The following ADISSP variants were observed in gnomAD, a reference collection of about 807,000 sequenced individuals.
ADISSP encodes the protein adipose secreted signaling protein, also known as adipose-secreted signaling protein.
the ADISSP span, among the ~76,000 whole-genome samples, chr20:3,766,952 A>G: frequency 6.6e-6 from 1 of 152,032 alleles, no homozygotes; most frequent in African/African-American, 2.4e-5. Context: ...ACCTAAATCC[A>G]GTCCCTCCTC....
At chr20:3,766,998 C>T in the ADISSP span, among the ~76,000 whole-genome samples, 3 of 152,102 alleles carry the variant, frequency 2.0e-5, no homozygotes, top group African/African-American at 7.2e-5. Context: ...AGCCCAAGCC[C>T]CCGAGGCCCC....
chr20:3,767,121 A>T, the ADISSP span: 14,836 of 152,074 alleles, frequency 0.098, 1,003 homozygotes, highest in East Asian at 0.24. Flanking sequence ...ATGTAATCGG[A>T]CATCCCCCCC....
the ADISSP span, among the ~76,000 whole-genome samples, chr20:3,765,171 G>T: frequency 1.3e-5 from 2 of 152,196 alleles, no homozygotes; most frequent in African/African-American, 2.4e-5. Flanking sequence ...CCTGCTGGTC[G>T]CTGTCCTCGG....
the ADISSP span, chr20:3,754,252 C>A: frequency 6.8e-7 from 1 of 1,473,876 alleles, no homozygotes; most frequent in South Asian, 1.2e-5. Flanking sequence ...CAGGGATCAG[C>A]TGGAGGTAGG....
the ADISSP span, chr20:3,760,321 T>C: frequency 3.7e-6 from 2 of 541,312 alleles, no homozygotes; most frequent in Admixed American, 3.1e-5. Context: ...GCCTGTACTC[T>C]CTAGCACGGG....
chr20:3,765,663 A>G, the ADISSP span, among the ~76,000 whole-genome samples: 1 of 152,122 alleles, frequency 6.6e-6, no homozygotes, highest in African/African-American at 2.4e-5. Context: ...AGTGGGCCCC[A>G]GGGACGTCAG....
the ADISSP span, chr20:3,758,754 C>A: frequency 7.2e-7 from 1 of 1,382,918 alleles, no homozygotes; most frequent in Admixed American, 1.9e-5. This position sits in a 1 kb window ranked among gnomAD's most constrained non-coding sequence, Gnocchi z 5.5. Context: ...CCTCGTCACC[C>A]CCAAGACTGC....
chr20:3,766,661 G>T, the ADISSP span, among the ~76,000 whole-genome samples: 1 of 152,188 alleles, frequency 6.6e-6, no homozygotes, highest in Admixed American at 6.5e-5. Context: ...GATCCAGGGG[G>T]TCAGCCAAGG....
At chr20:3,758,653 G>C in the ADISSP span, 2 of 1,614,148 alleles carry the variant, frequency 1.2e-6, no homozygotes, top group Non-Finnish European at 1.7e-6. The surrounding 1 kb of genome is among the most constrained non-coding windows in gnomAD (Gnocchi z 5.5). Context: ...CCGCAAAGCG[G>C]ATACTCCGGA....
At chr20:3,763,008 C>A in the ADISSP span, among the ~76,000 whole-genome samples, 1 of 152,176 alleles carries the variant, frequency 6.6e-6, no homozygotes, top group South Asian at 2.1e-4. Context: ...GTAATCCCAG[C>A]ACTTTGGGAA....
chr20:3,760,599 C>T, the ADISSP span, among the ~76,000 whole-genome samples: 1 of 152,232 alleles, frequency 6.6e-6, no homozygotes, highest in Non-Finnish European at 1.5e-5. Flanking sequence ...ATTCAGGTCA[C>T]ACAAGCAATG....
the ADISSP span, among the ~76,000 whole-genome samples, chr20:3,761,941 C>T: frequency 6.6e-6 from 1 of 152,208 alleles, no homozygotes; most frequent in Non-Finnish European, 1.5e-5. Flanking sequence ...GGATATTCTA[C>T]AGGATGACTG....
chr20:3,761,406 G>A, the ADISSP span, among the ~76,000 whole-genome samples: 5 of 152,036 alleles, frequency 3.3e-5, no homozygotes, highest in Admixed American at 6.5e-5. Flanking sequence ...CACGATCTCG[G>A]CTAACTGCAA....
At chr20:3,760,997 A>G in the ADISSP span, among the ~76,000 whole-genome samples, 4 of 151,978 alleles carry the variant, frequency 2.6e-5, no homozygotes, top group Non-Finnish European at 5.9e-5. Context: ...AAACAAACAA[A>G]CCCAAGCCCT....
the ADISSP span, among the ~76,000 whole-genome samples, chr20:3,761,134 T>C: frequency 6.6e-6 from 1 of 152,200 alleles, no homozygotes; most frequent in Admixed American, 6.5e-5. Context: ...TGGTGGTTGA[T>C]GGAAAGCTCT....
At chr20:3,766,995 GC>G in the ADISSP span, among the ~76,000 whole-genome samples, 1 of 151,898 alleles carries the variant, frequency 6.6e-6, no homozygotes, top group Non-Finnish European at 1.5e-5. Flanking sequence ...TGCAGCCCAA[GC>G]CCCCGAGGCC....
At chr20:3,754,210 G>A in the ADISSP span, 8 of 1,559,112 alleles carry the variant, frequency 5.1e-6, no homozygotes, top group East Asian at 1.8e-4. Flanking sequence ...CCCCACCCAT[G>A]CGGCCCACTA....
chr20:3,753,977 A>G, the ADISSP span: 2 of 1,084,864 alleles, frequency 1.8e-6, no homozygotes. Flanking sequence ...GGGGCGAGGA[A>G]GCCACACCAT....
chr20:3,760,108 C>T, the ADISSP span: 1 of 1,609,444 alleles, frequency 6.2e-7, no homozygotes, highest in Non-Finnish European at 8.5e-7. Context: ...CATGGACGCC[C>T]TCCCTGCCAC....
Sources: allele counts gnomAD v4.1 joint callset (sites outside exome capture counted in the v4.1 genomes callset), GRCh38; gene constraint gnomAD v4.1.1; non-coding constraint Gnocchi (gnomAD v3.1); transcripts MANE v1.5; gene names NCBI Gene and HGNC (gene_info 2026-07-23, HGNC 2026-07-21).